The following ESPN variants were observed in gnomAD, a reference collection of about 807,000 sequenced individuals.
ESPN encodes autosomal recessive deafness type 36 protein.
A neutral mutation model predicts 77.7 loss-of-function variants in ESPN; 68 were observed. The observed-to-expected ratio is 0.87, with a 90% CI of 0.72 to 1.07. The LOEUF is 1.07. ESPN is among the 50% of genes least tolerant of loss of function. The probability of loss-of-function intolerance (pLI) is 0.00; values close to 1 mark genes in which losing one functional copy is unlikely to be tolerated. For missense variants in ESPN, 1,060 were observed against 1,239.0 expected, an observed-to-expected ratio of 0.86 and a Z score of 2.17; for synonymous variants, 449 against 567.1, an observed-to-expected ratio of 0.79 and a Z score of 2.96.
Position 6,440,487 on chromosome 1 carries a change from G to A in ESPN, c.675+47G>A, listed in dbSNP as rs191234203. 0.065 allele frequency: 96,271 copies of A among 1,475,500 alleles called. 3,692 individuals are homozygous for A. The highest frequency in any genetic ancestry group is 0.15 in the African/African-American group (10,623 of 68,838). 91.4% of individuals were successfully genotyped at this position (1,475,500 alleles called of 1,614,324 possible). ...GGAGCAGGGGAGGCGGGGCGGAGCCGGCAGGGCGGGGAGTGGAGGGAGCGG... is the reference window on the plus strand; with the variant it reads ...GGAGCAGGGGAGGCGGGGCGGAGCCAGCAGGGCGGGGAGTGGAGGGAGCGG... On this transcript the variant is annotated intron_variant, in intron 3 of 12. Coordinates refer to ENST00000645284, the MANE Select transcript of ESPN (RefSeq NM_031475.3).
At chr1:6,452,180 C>T in intron 10 of ESPN, 84 bp downstream of exon 10, 1 of 1,376,162 alleles carries the variant, frequency 7.3e-7, no homozygotes, top group South Asian at 1.5e-5. Context: ...CAACCCCAAC[C>T]TCGGGACCTC....
At chr1:6,429,414 G>C (rs746486392) in intron 2 of ESPN, among the ~76,000 whole-genome samples, 9 of 152,106 alleles carry the variant, frequency 5.9e-5, no homozygotes, top group Non-Finnish European at 1.0e-4. Context: ...TGAGTAGAGG[G>C]TTCCAACTGG....
intron 12 of ESPN, among the ~76,000 whole-genome samples, chr1:6,458,477 G>A (rs1455267171): frequency 5.1e-4 from 77 of 150,038 alleles, no homozygotes; most frequent in African/African-American, 4.2e-4. Context: ...CACCACGCCC[G>A]GCTAATTTTT....
In ESPN at chr1:6,424,912, G is replaced by A; in HGVS notation, c.-44G>A. The A allele has an allele frequency of 1.4e-6, 2 of 1,418,252 alleles. No individual in the cohort carries two copies. The highest frequency in any genetic ancestry group is 3.0e-5 in the African/African-American group (2 of 66,680). The allele number at this position is 1,418,252 out of a possible 1,614,324, so 87.9% of individuals were successfully genotyped here. A position where few individuals can be genotyped will look rare whatever the true frequency, so the allele number is the denominator to read the frequency against. ...CGCAAGAACACGTGCATGGCGTCCT[G>A]GGGAAGGCGCTGAGTGCGGAGTCGC... On this transcript the variant is annotated 5_prime_UTR_variant, in exon 1 of 13. It introduces an in-frame stop codon into an upstream open reading frame of the 5' UTR. Transcript: ENST00000645284.
At chr1:6,446,077 G>A (rs1217033502) in intron 7 of ESPN, 142 bp downstream of exon 7, 11 of 826,642 alleles carry the variant, frequency 1.3e-5, no homozygotes, top group Non-Finnish European at 1.9e-5. Flanking sequence ...CAAAGCTCCT[G>A]GCGAGTCCCA....
Position 6,437,060 on chromosome 1 carries a change from A to G in ESPN, c.489-3194A>G, listed in dbSNP as rs1643465041. ...TCCAAGCTGGAGGCTCTGACTCCAT[A>G]ATGGGGCGTGTGAGTGCAGATGGTG... On this transcript the variant is annotated intron_variant, in intron 2 of 12. Coordinates refer to ENST00000645284, the MANE Select transcript of ESPN (RefSeq NM_031475.3). This position sits in a 1 kb window ranked among gnomAD's most constrained non-coding sequence, Gnocchi z 4.5. Among the ~76,000 whole-genome samples the G allele has an allele frequency of 6.6e-6, 1 of 152,016 alleles. No individual in the cohort carries two copies. The highest frequency in any genetic ancestry group is 6.5e-5 in the Admixed American group (1 of 15,270).
At chr1:6,455,053 G>A (rs891024712) in intron 10 of ESPN, 3 of 381,120 alleles carry the variant, frequency 7.9e-6, no homozygotes, top group Non-Finnish European at 1.4e-5. Flanking sequence ...GCCCCGGGCC[G>A]GGAGCCCATC....
chr1:6,442,176 C>T (rs566852397), intron 5 of ESPN, among the ~76,000 whole-genome samples: 14 of 152,272 alleles, frequency 9.2e-5, no homozygotes, highest in African/African-American at 2.2e-4. Flanking sequence ...CAGCTGCTAG[C>T]GGTCATAGGA....
intron 2 of ESPN, 104 bp from the exon 3 acceptor site, chr1:6,440,148 ACT>A: frequency 1.6e-6 from 2 of 1,244,860 alleles, no homozygotes; most frequent in Admixed American, 2.0e-5. Context: ...TTTCCCACCC[ACT>A]CTCCCTGCCG....
chr1:6,456,011 G>A, intron 10 of ESPN: 3 of 397,500 alleles, frequency 7.5e-6, no homozygotes, highest in Non-Finnish European at 1.3e-5. Flanking sequence ...CGCCGCAGCC[G>A]CCGCCGCCGC....
chr1:6,455,675 G>T (rs904922912), intron 10 of ESPN: 3 of 399,046 alleles, frequency 7.5e-6, no homozygotes, highest in African/African-American at 6.2e-5. Flanking sequence ...AGCTACTCGA[G>T]ATGGGCCTGA....
chr1:6,461,295 G>A (rs1216302795), downstream of ESPN: 4 of 1,095,020 alleles, frequency 3.7e-6, no homozygotes, highest in Admixed American at 8.1e-5. This position sits in a 1 kb window ranked among gnomAD's most constrained non-coding sequence, Gnocchi z 6.3. Context: ...GGCGAGCAGG[G>A]GTGGGGCCGG....
At chr1:6,445,302 G>A (rs542221527) in intron 6 of ESPN, among the ~76,000 whole-genome samples, 2 of 152,248 alleles carry the variant, frequency 1.3e-5, no homozygotes, top group Admixed American at 6.5e-5. Context: ...GCTTCACGCC[G>A]CCAGATGGTG....
chr1:6,429,075 G>A (rs1643145890), intron 2 of ESPN, among the ~76,000 whole-genome samples: 1 of 151,324 alleles, frequency 6.6e-6, no homozygotes. Flanking sequence ...ACACAGAGCA[G>A]GGGGCATGTG....
chr1:6,454,606 G>C (rs1295044760), intron 10 of ESPN: 9 of 398,850 alleles, frequency 2.3e-5, no homozygotes, highest in African/African-American at 1.6e-4. Flanking sequence ...CTGGAGGCGC[G>C]CCTCGAGCAA....
intron 3 of ESPN, 53 bp from the exon 4 acceptor site, chr1:6,440,573 A>C: frequency 9.9e-7 from 1 of 1,010,798 alleles, no homozygotes; most frequent in Non-Finnish European, 1.4e-6. Flanking sequence ...GGGCGGGCCT[A>C]CAGGGGCCTG....
intron 2 of ESPN, among the ~76,000 whole-genome samples, chr1:6,431,724 A>G (rs899525452): frequency 6.6e-6 from 1 of 151,980 alleles, no homozygotes; most frequent in Non-Finnish European, 1.5e-5. Flanking sequence ...GGTGCTGAGT[A>G]TCTTCTAGGG....
At position 6,457,261 on chromosome 1, in the gene ESPN, G is replaced by A. The variant is rs145302595; in HGVS notation, c.2403G>A (p.Glu801=). The A allele has an allele frequency of 6.2e-7, 1 of 1,614,014 alleles. No individual in the cohort carries two copies. Among genetic ancestry groups the A allele is most frequent in the Non-Finnish European group, 8.5e-7 (1 of 1,179,966 alleles). ...RDLLRKKLEE[E]REQKRKEEER... ...TCCTGCGGAAGAAGCTGGAAGAAGA[G>A]AGGTGAGCTGGGGGTCAGGCAGAGG... The change falls in exon 11 of 13, where the codon GAG becomes GAA. Residue 801 remains glutamate (E), a splice_region_variant and synonymous_variant. Coordinates refer to ENST00000645284, the MANE Select transcript of ESPN (RefSeq NM_031475.3).
Position 6,428,470 on chromosome 1 carries a change from TG to T in ESPN, c.488+56del. On this transcript the variant is annotated intron_variant, in intron 2 of 12. Coordinates refer to ENST00000645284, the MANE Select transcript of ESPN (RefSeq NM_031475.3). This position sits in a 1 kb window ranked among gnomAD's most constrained non-coding sequence, Gnocchi z 5.4. ...CTCTGGGTGGGCTGGGCCAGGGCTTTGGGGGATGCCTGGGATTTTCCACGCC... is the reference window on the plus strand; with the variant it reads ...CTCTGGGTGGGCTGGGCCAGGGCTTTGGGGATGCCTGGGATTTTCCACGCC... 6.6e-7 allele frequency: 1 copy of T among 1,504,484 alleles called. No homozygotes were observed. Among genetic ancestry groups the T allele is most frequent in the Non-Finnish European group, 9.1e-7 (1 of 1,102,900 alleles). The allele number at this position is 1,504,484 out of a possible 1,614,324, so 93.2% of individuals were successfully genotyped here.
Sources: allele counts gnomAD v4.1 joint callset (sites outside exome capture counted in the v4.1 genomes callset), GRCh38; gene constraint gnomAD v4.1.1; non-coding constraint Gnocchi (gnomAD v3.1); transcripts MANE v1.5; gene names NCBI Gene and HGNC (gene_info 2026-07-23, HGNC 2026-07-21).